GDAP1L1: variants seen among roughly 807,000 people sequenced by gnomAD.
The protein encoded by GDAP1L1 is ganglioside induced differentiation associated protein 1 like 1, also known as ganglioside-induced differentiation-associated protein 1-like 1.
In GDAP1L1, 21 loss-of-function variants were observed where a neutral mutation model predicts 37.1. That is an observed-to-expected ratio of 0.57 (90% CI 0.40 to 0.81). GDAP1L1 has a LOEUF of 0.81. Among genes scored for constraint, GDAP1L1 ranks in the 40% least tolerant of loss-of-function variants. The pLI is 0.00. For synonymous variants in GDAP1L1, 193 were observed against 209.1 expected (o/e 0.92, Z 0.67); for missense variants, 362 against 491.6 (o/e 0.74, Z 2.49).
At chr20:44,257,584 T>C (rs2073583826) in intron 2 of GDAP1L1, among the ~76,000 whole-genome samples, 1 of 152,048 alleles carries the variant, frequency 6.6e-6, no homozygotes. Flanking sequence ...CCCCTGGTAC[T>C]GTAAGGGCAT....
At chr20:44,274,594 C>T (rs1467213085) in intron 5 of GDAP1L1, among the ~76,000 whole-genome samples, 1 of 152,316 alleles carries the variant, frequency 6.6e-6, no homozygotes, top group African/African-American at 2.4e-5. Flanking sequence ...TCTTCGGAAC[C>T]CTGTCCTAAG....
chr20:44,277,938 G>A (rs1446627985), intron 5 of GDAP1L1, among the ~76,000 whole-genome samples: 1 of 152,122 alleles, frequency 6.6e-6, no homozygotes, highest in Admixed American at 6.5e-5. Flanking sequence ...CGGATCACCT[G>A]AGGTCAGGAG....
intron 1 of GDAP1L1, among the ~76,000 whole-genome samples, chr20:44,248,511 A>G (rs2073378411): frequency 1.3e-5 from 2 of 152,268 alleles, no homozygotes; most frequent in Admixed American, 1.3e-4. Context: ...GAACTCAAAG[A>G]CTTAGATTTG....
At chr20:44,264,959 C>T in intron 5 of GDAP1L1, 1 of 985,274 alleles carries the variant, frequency 1.0e-6, no homozygotes, top group African/African-American at 1.7e-5. Context: ...AACTTGTTCC[C>T]TCTCGATGGG....
intron 5 of GDAP1L1, among the ~76,000 whole-genome samples, chr20:44,276,412 A>AAAAGAAAGAAAGAAAG (rs59432514): frequency 0.18 from 20,292 of 113,038 alleles, 2,314 homozygotes; most frequent in Middle Eastern, 0.19. Flanking sequence ...AGAAAAAAGA[A>AAAAGAAAGAAAGAAAG]AAAGAAAGAA....
chr20:44,274,064 A>G (rs2062548016), intron 5 of GDAP1L1, among the ~76,000 whole-genome samples: 1 of 152,140 alleles, frequency 6.6e-6, no homozygotes, highest in African/African-American at 2.4e-5. Flanking sequence ...AGTGTCTTAT[A>G]TTTAATAGTA....
upstream of GDAP1L1, chr20:44,247,147 G>C: frequency 1.6e-6 from 1 of 629,648 alleles, no homozygotes. Context: ...CGCGGGCCAG[G>C]GGGAGGAGGA....
chr20:44,261,236 G>T (rs1200412317), intron 3 of GDAP1L1, among the ~76,000 whole-genome samples: 1 of 152,170 alleles, frequency 6.6e-6, no homozygotes, highest in African/African-American at 2.4e-5. Context: ...TCTTCTCTTG[G>T]GGTGGCCTGC....
intron 3 of GDAP1L1, among the ~76,000 whole-genome samples, chr20:44,259,599 G>A (rs1238401440): frequency 6.6e-6 from 1 of 151,166 alleles, no homozygotes; most frequent in African/African-American, 2.4e-5. Context: ...AGTCTCAAGC[G>A]ATTCTCCCAC....
intron 5 of GDAP1L1, chr20:44,265,256 A>T: frequency 1.0e-6 from 1 of 985,082 alleles, no homozygotes; most frequent in South Asian, 4.7e-5. Flanking sequence ...GCTTCATTCT[A>T]CCTCCATGCT....
chr20:44,260,283 G>A (rs1404274938), intron 3 of GDAP1L1, among the ~76,000 whole-genome samples: 1 of 117,756 alleles, frequency 8.5e-6, no homozygotes, highest in African/African-American at 3.8e-5. Flanking sequence ...AAAAGTGAAG[G>A]GCAAAAAAAA....
chr20:44,271,786 G>C, intron 5 of GDAP1L1, among the ~76,000 whole-genome samples: 1 of 152,142 alleles, frequency 6.6e-6, no homozygotes, highest in East Asian at 1.9e-4. Context: ...AGACAGGAGG[G>C]GCGTGGTTCA....
At chr20:44,248,642 T>A (rs1406141633) in intron 1 of GDAP1L1, among the ~76,000 whole-genome samples, 1 of 152,224 alleles carries the variant, frequency 6.6e-6, no homozygotes, top group Non-Finnish European at 1.5e-5. Context: ...GGATATAACT[T>A]AGGAACTTAG....
At chr20:44,272,447 A>G (rs1403974801) in intron 5 of GDAP1L1, among the ~76,000 whole-genome samples, 2 of 152,154 alleles carry the variant, frequency 1.3e-5, no homozygotes, top group Non-Finnish European at 2.9e-5. Flanking sequence ...AAAAGATGCA[A>G]TTGTCTCCAC....
Position 44,278,966 on chromosome 20 carries a change from G to T in GDAP1L1, c.770G>T (p.Cys257Phe). Residue 257 changes from cysteine (C) to phenylalanine (F), a missense_variant, in exon 6 of 6, where the codon TGC (cysteine) becomes TTC (phenylalanine). By Grantham distance (205) the Cys-to-Phe change is radical (BLOSUM62 -2). Transcript: ENST00000342560. ...KRKLENEGQK[C>F]ELWLCGCAFT... ...CTTTCTTCCACTCTAGGGCAGAAAT[G>T]CGAGCTGTGGCTCTGTGGCTGTGCC... The T allele has an allele frequency of 6.2e-7, 1 of 1,611,184 alleles. No individual in the cohort carries two copies. The highest frequency in any genetic ancestry group is 8.5e-7 in the Non-Finnish European group (1 of 1,177,766).
At chr20:44,257,550 C>A (rs867690981) in intron 2 of GDAP1L1, among the ~76,000 whole-genome samples, 1 of 152,150 alleles carries the variant, frequency 6.6e-6, no homozygotes, top group African/African-American at 2.4e-5. Context: ...GGCATAGCTA[C>A]TGATCCATAC....
intron 2 of GDAP1L1, 123 bp downstream of exon 2, chr20:44,257,468 G>A: frequency 9.8e-7 from 1 of 1,020,762 alleles, no homozygotes; most frequent in Non-Finnish European, 1.4e-6. Context: ...CATGGGCAAG[G>A]CCCAGTCTCC....
At chr20:44,251,931 C>T (rs980960703) in intron 1 of GDAP1L1, among the ~76,000 whole-genome samples, 3 of 152,242 alleles carry the variant, frequency 2.0e-5, no homozygotes, top group Admixed American at 1.3e-4. Context: ...GGTCTGGTGG[C>T]CGGTCTCATA....
chr20:44,259,450 A>G (rs1475047169), intron 3 of GDAP1L1, among the ~76,000 whole-genome samples: 2 of 151,258 alleles, frequency 1.3e-5, no homozygotes, highest in South Asian at 4.2e-4. Context: ...GTAGAACTCA[A>G]CCCTGTCCCT....
Sources: gnomAD v4.1 joint callset for allele counts (sites outside exome capture counted in the v4.1 genomes callset) on GRCh38, gnomAD v4.1.1 for gene constraint, MANE v1.5 for transcripts, NCBI Gene and HGNC (gene_info 2026-07-23, HGNC 2026-07-21) for gene names.